NUP58: variants seen among roughly 807,000 people sequenced by gnomAD.
NUP58 encodes nucleoporin 58.
A neutral mutation model predicts 70.1 loss-of-function variants in NUP58; 17 were observed. The observed-to-expected ratio is 0.24, with a 90% confidence interval of 0.17 to 0.36. NUP58 has a LOEUF of 0.36. NUP58 is among the 10% of genes least tolerant of loss of function. The probability of loss-of-function intolerance (pLI) is 1.00; values close to 1 mark genes in which losing one functional copy is unlikely to be tolerated. For synonymous variants in NUP58, 275 were observed against 257.6 expected (o/e 1.07, Z -0.65); for missense variants, 644 against 701.5 (o/e 0.92, Z 0.93).
chr13:25,311,222 T>C (rs2030649677), intron 3 of NUP58, among the ~76,000 whole-genome samples: 1 of 151,966 alleles, frequency 6.6e-6, no homozygotes, highest in Admixed American at 6.6e-5. Flanking sequence ...TGGGCAGAGT[T>C]GAGAATTGAG....
At position 25,309,348 on chromosome 13, in the gene NUP58, C is replaced by G. The variant is rs1352623260; in HGVS notation, c.286+66C>G. ...TAATAATTTTAATAAATTGAGTGAT[C>G]TTTCTACTCTTCTCTCTTCTAATAT... is the stretch of plus-strand genomic sequence containing the variant. On this transcript the variant is annotated intron_variant, in intron 3 of 15. Transcript: ENST00000381736. 1.2e-5 allele frequency: 14 copies of G among 1,180,010 alleles called. No homozygotes were observed. In the South Asian group the frequency reaches 1.3e-4, roughly 11 times the overall value. The allele number at this position is 1,180,010 out of a possible 1,614,324, so 73.1% of individuals were successfully genotyped here.
At chr13:25,348,173 T>C (rs2032071620) in intron 3 of NUP58, among the ~76,000 whole-genome samples, 1 of 152,172 alleles carries the variant, frequency 6.6e-6, no homozygotes, top group South Asian at 2.1e-4. Flanking sequence ...CATTCAAATA[T>C]TGGGCGACAT....
intron 13 of NUP58, chr13:25,333,181 A>G (rs2031669805): frequency 4.1e-6 from 4 of 985,192 alleles, no homozygotes; most frequent in South Asian, 4.7e-5. Context: ...TGAGAAATTC[A>G]TAGGTTTTCA....
intron 9 of NUP58, among the ~76,000 whole-genome samples, chr13:25,322,250 A>G (rs2031217338): frequency 6.6e-6 from 1 of 152,194 alleles, no homozygotes; most frequent in Admixed American, 6.5e-5. Flanking sequence ...TTTTAAGTAA[A>G]ATTTTTAAAG....
rs766766545 is a variant in NUP58, at chr13:25,332,262, T to G, written c.1435+704T>G. On this transcript the variant is annotated intron_variant, in intron 13 of 15. Coordinates refer to ENST00000381736, the MANE Select transcript of NUP58 (RefSeq NM_014089.4). ...ATTGGTGACATGGAAAGCAGATTGT[T>G]TTATTTCTTGGTTTAGTTACACTTC... is the stretch of plus-strand genomic sequence containing the variant. 3 of 985,410 alleles carry G rather than the reference T, an allele frequency of 3.0e-6. No individual in the cohort carries two copies. The South Asian group carries it at 1.4e-4, about 46-fold the overall frequency. 61.0% of individuals were successfully genotyped at this position (985,410 alleles called of 1,614,324 possible).
At chr13:25,332,765 G>C in intron 13 of NUP58, 2 of 985,412 alleles carry the variant, frequency 2.0e-6, no homozygotes, top group South Asian at 9.4e-5. Context: ...TAGCTCTCTA[G>C]CTGGCTGGAG....
In NUP58 at chr13:25,320,910, A is replaced by AT; in HGVS notation, c.777-3dup. On this transcript the variant is annotated splice_polypyrimidine_tract_variant and intron_variant, in intron 8 of 15. Coordinates refer to ENST00000381736, the MANE Select transcript of NUP58 (RefSeq NM_014089.4). Reference sequence around the variant, plus strand: ...TTTTTTAAAACTCAGTTTTAAATATATTTTTTAGGAAATTTGTGAAGGAGC... The same window carrying AT: ...TTTTTTAAAACTCAGTTTTAAATATATTTTTTTAGGAAATTTGTGAAGGAGC... 1 of 1,522,262 alleles carries AT rather than the reference A, an allele frequency of 6.6e-7. No individual in the cohort carries two copies. Among genetic ancestry groups the AT allele is most frequent in the Non-Finnish European group, 8.8e-7 (1 of 1,134,532 alleles). 94.3% of individuals were successfully genotyped at this position (1,522,262 alleles called of 1,614,324 possible).
chr13:25,308,170 A>G (rs2030470622), intron 2 of NUP58: 1 of 396,344 alleles, frequency 2.5e-6, no homozygotes, highest in Non-Finnish European at 4.4e-6. Context: ...ACATACAAAT[A>G]TTAATTTAAA....
At chr13:25,332,378 C>T (rs781006918) in intron 13 of NUP58, 37 of 985,170 alleles carry the variant, frequency 3.8e-5, no homozygotes, top group South Asian at 4.7e-5. Context: ...ATCCTGCCAT[C>T]CCTTTTGTCA....
At chr13:25,346,231 T>C (rs1179442323), downstream of NUP58, among the ~76,000 whole-genome samples, 2 of 152,206 alleles carry the variant, frequency 1.3e-5, no homozygotes, top group African/African-American at 4.8e-5. Context: ...ACTCATTTAG[T>C]CCTCAATCCC....
At chr13:25,317,290 T>G (rs2030976684) in intron 6 of NUP58, among the ~76,000 whole-genome samples, 1 of 152,346 alleles carries the variant, frequency 6.6e-6, no homozygotes, top group Non-Finnish European at 1.5e-5. Flanking sequence ...TGTTGAGTTT[T>G]GTCATTATAT....
intron 9 of NUP58, 130 bp downstream of exon 9, chr13:25,321,223 A>AT (rs1346020482): frequency 1.4e-6 from 1 of 705,180 alleles, no homozygotes; most frequent in African/African-American, 1.9e-5. Flanking sequence ...AGAAAACCAG[A>AT]TAACTCATAT....
Position 25,340,763 on chromosome 13 carries a change from C to T in NUP58, c.*629C>T, listed in dbSNP as rs1455164444. ...TGAAACCCCATCTCTACGAAAAATACAAAAATTAGCTGGGCATAGTGGCGG... is the reference window on the plus strand; with the variant it reads ...TGAAACCCCATCTCTACGAAAAATATAAAAATTAGCTGGGCATAGTGGCGG... On this transcript the variant is annotated 3_prime_UTR_variant, in exon 16 of 16. Transcript: ENST00000381736. 1 of 152,008 alleles carries T rather than the reference C, an allele frequency of 6.6e-6. No homozygotes were observed. Among genetic ancestry groups the T allele is most frequent in the Non-Finnish European group, 1.5e-5 (1 of 68,006 alleles). The allele number at this position is 152,008 out of a possible 1,614,324, so 9.4% of individuals were successfully genotyped here.
At chr13:25,345,123 T>G (rs1261419425), downstream of NUP58, among the ~76,000 whole-genome samples, 2 of 152,198 alleles carry the variant, frequency 1.3e-5, no homozygotes, top group African/African-American at 2.4e-5. Context: ...TACTTGACCA[T>G]GTTTAGTCTG....
At chr13:25,316,932 C>T (rs906448635) in intron 6 of NUP58, among the ~76,000 whole-genome samples, 5 of 152,080 alleles carry the variant, frequency 3.3e-5, no homozygotes, top group East Asian at 1.9e-4. Context: ...TATTTATGTA[C>T]ACACAAACAT....
At chr13:25,331,585 C>T (rs2031608823) in intron 13 of NUP58, 27 bp downstream of exon 13, 8 of 1,607,498 alleles carry the variant, frequency 5.0e-6, no homozygotes, top group Non-Finnish European at 6.0e-6. Flanking sequence ...GTTATAGCTT[C>T]TTACTGTTCC....
chr13:25,346,734 AG>A (rs1049063739), downstream of NUP58, among the ~76,000 whole-genome samples: 2 of 151,740 alleles, frequency 1.3e-5, no homozygotes, highest in East Asian at 1.9e-4. Context: ...AAAAAAAAAA[AG>A]ATACAAGAAA....
At chr13:25,348,766 A>G (rs927554062) in intron 3 of NUP58, among the ~76,000 whole-genome samples, 2 of 152,288 alleles carry the variant, frequency 1.3e-5, no homozygotes, top group South Asian at 2.1e-4. Context: ...CCTACTTGGT[A>G]TCCCTGCTTT....
At chr13:25,314,959 CT>C (rs1193766145) in intron 5 of NUP58, among the ~76,000 whole-genome samples, 2 of 152,038 alleles carry the variant, frequency 1.3e-5, no homozygotes, top group Admixed American at 1.3e-4. Flanking sequence ...ACTAGATTAT[CT>C]TAAAAGTATG....
Sources: allele counts gnomAD v4.1 joint callset (sites outside exome capture counted in the v4.1 genomes callset), GRCh38; gene constraint gnomAD v4.1.1; transcripts MANE v1.5; gene names NCBI Gene and HGNC (gene_info 2026-07-23, HGNC 2026-07-21).